OR7C1: variants seen among roughly 807,000 people sequenced by gnomAD.
The protein encoded by OR7C1 is olfactory receptor family 7 subfamily C member 1, also known as olfactory receptor 7C1.
For missense variants in OR7C1, 324 were observed against 383.3 expected, an observed-to-expected ratio of 0.85 and a Z score of 1.29; for synonymous variants, 152 against 160.7, an observed-to-expected ratio of 0.95 and a Z score of 0.41.
chr19:14,809,390 T>C (rs1179404242), intron 2 of OR7C1, among the ~76,000 whole-genome samples: 1 of 151,832 alleles, frequency 6.6e-6, no homozygotes, highest in Non-Finnish European at 1.5e-5. Context: ...AGAGTGGCCC[T>C]GGAATTGTGC....
At chr19:14,817,388 G>A (rs915685142) in intron 1 of OR7C1, among the ~76,000 whole-genome samples, 12 of 152,114 alleles carry the variant, frequency 7.9e-5, no homozygotes, top group Non-Finnish European at 1.5e-4. Context: ...AAAAATAGTG[G>A]TCATCTTTTG....
chr19:14,807,738 T>A (rs1347168208), intron 2 of OR7C1, among the ~76,000 whole-genome samples: 2 of 151,644 alleles, frequency 1.3e-5, no homozygotes, highest in Non-Finnish European at 2.9e-5. Flanking sequence ...CTACTAAAAA[T>A]ACAAAAATTC....
chr19:14,827,297 G>C, intron 1 of OR7C1: 1 of 1,550,636 alleles, frequency 6.4e-7, no homozygotes, highest in South Asian at 1.3e-5. Context: ...GGCACTTCTT[G>C]AAAAATTGCC....
At chr19:14,833,997 C>A (rs1298098999) in intron 1 of OR7C1, among the ~76,000 whole-genome samples, 1 of 123,548 alleles carries the variant, frequency 8.1e-6, no homozygotes, top group Admixed American at 8.2e-5. Context: ...TGGTGGCACA[C>A]GTCTGCAATC....
intron 2 of OR7C1, among the ~76,000 whole-genome samples, chr19:14,807,536 G>GA (rs1275081296): frequency 6.6e-6 from 1 of 151,794 alleles, no homozygotes; most frequent in Non-Finnish European, 1.5e-5. Flanking sequence ...ATATATCTTG[G>GA]AAAACAACAC....
intron 1 of OR7C1, among the ~76,000 whole-genome samples, chr19:14,832,379 T>TTCCC (rs1354740545): frequency 1.3e-5 from 2 of 151,486 alleles, no homozygotes; most frequent in African/African-American, 4.9e-5. Context: ...TTTTCCCTCC[T>TTCCC]TCCCTCCCTC....
chr19:14,816,073 A>T (rs2044715027), intron 1 of OR7C1, among the ~76,000 whole-genome samples: 1 of 152,060 alleles, frequency 6.6e-6, no homozygotes, highest in Non-Finnish European at 1.5e-5. Context: ...AATCCACCCC[A>T]CTTGGCCTCC....
intron 2 of OR7C1, among the ~76,000 whole-genome samples, chr19:14,806,192 T>G (rs2044665935): frequency 6.6e-6 from 1 of 151,950 alleles, no homozygotes; most frequent in Non-Finnish European, 1.5e-5. Context: ...TCTACTGCTG[T>G]GTGGCTGTTA....
At chr19:14,818,457 T>G (rs1180097324) in intron 1 of OR7C1, among the ~76,000 whole-genome samples, 1 of 152,172 alleles carries the variant, frequency 6.6e-6, no homozygotes, top group Non-Finnish European at 1.5e-5. Flanking sequence ...AAAATATGTT[T>G]ATTTAATAAG....
At chr19:14,805,789 C>T (rs1457894847) in intron 2 of OR7C1, among the ~76,000 whole-genome samples, 1 of 151,878 alleles carries the variant, frequency 6.6e-6, no homozygotes, top group Non-Finnish European at 1.5e-5. Flanking sequence ...CTACCTTCCA[C>T]ATGTGACCAT....
intron 1 of OR7C1, among the ~76,000 whole-genome samples, chr19:14,810,242 A>C (rs1318298255): frequency 6.6e-6 from 1 of 151,838 alleles, no homozygotes; most frequent in Admixed American, 6.6e-5. Flanking sequence ...CCAACACTGG[A>C]AATGACCCCT....
chr19:14,827,736 CAGA>C, intron 1 of OR7C1: 2 of 1,614,090 alleles, frequency 1.2e-6, no homozygotes, highest in Non-Finnish European at 1.7e-6. Flanking sequence ...TAAGGCTGTG[CAGA>C]AGGACAGCCG....
At chr19:14,808,932 G>T (rs2147649637) in intron 2 of OR7C1, among the ~76,000 whole-genome samples, 1 of 152,042 alleles carries the variant, frequency 6.6e-6, no homozygotes, top group Middle Eastern at 3.4e-3. Context: ...GCACCTCGTT[G>T]TATGCCCCCC....
chr19:14,833,613 T>G (rs920133747), intron 1 of OR7C1, among the ~76,000 whole-genome samples: 1 of 152,236 alleles, frequency 6.6e-6, no homozygotes, highest in Admixed American at 6.5e-5. Flanking sequence ...TAAAGAATAT[T>G]TTAAACTTTT....
At chr19:14,805,415 T>C (rs1305144883) in intron 2 of OR7C1, among the ~76,000 whole-genome samples, 1 of 141,594 alleles carries the variant, frequency 7.1e-6, no homozygotes, top group Non-Finnish European at 1.5e-5. Context: ...AATTTTTTTT[T>C]TTTTTTTTTT....
At chr19:14,823,164 G>A (rs752159504) in intron 1 of OR7C1, among the ~76,000 whole-genome samples, 12 of 152,090 alleles carry the variant, frequency 7.9e-5, no homozygotes, top group South Asian at 2.1e-4. Flanking sequence ...AAAAATTTGC[G>A]TAAATTGGTT....
At chr19:14,805,546 G>T (rs1040051737) in intron 2 of OR7C1, among the ~76,000 whole-genome samples, 9 of 150,082 alleles carry the variant, frequency 6.0e-5, no homozygotes, top group African/African-American at 2.2e-4. Flanking sequence ...CTCCTGAGTA[G>T]CTGGGATAAA....
chr19:14,826,520 G>T (rs1307526121), intron 1 of OR7C1: 2 of 152,034 alleles, frequency 1.3e-5, no homozygotes, highest in Admixed American at 6.6e-5. Flanking sequence ...TTATATATGG[G>T]CACTAAGCTT....
intron 2 of OR7C1, among the ~76,000 whole-genome samples, chr19:14,808,261 A>G (rs892100852): frequency 6.6e-6 from 1 of 152,000 alleles, no homozygotes; most frequent in African/African-American, 2.4e-5. Flanking sequence ...CAGCAATCCC[A>G]CTAGTGGGTA....
Sources: allele counts gnomAD v4.1 joint callset (sites outside exome capture counted in the v4.1 genomes callset), GRCh38; gene constraint gnomAD v4.1.1; transcripts MANE v1.5; gene names NCBI Gene and HGNC (gene_info 2026-07-23, HGNC 2026-07-21).